The following MYH6 variants were observed in gnomAD, a reference collection of about 807,000 sequenced individuals.
The protein encoded by MYH6 is myosin-6.
Under a neutral mutation model 223.2 loss-of-function variants are expected in MYH6, and 126 were observed. The observed-to-expected ratio is 0.56, with a 90% CI of 0.49 to 0.65. MYH6 has a LOEUF of 0.65. Ranked by LOEUF, MYH6 falls within the 30% of genes least tolerant of loss-of-function variation. The pLI is 0.00. For missense variants in MYH6, 2,040 were observed against 2,536.4 expected, an observed-to-expected ratio of 0.80 and a Z score of 4.20; for synonymous variants, 978 against 1,010.2, an observed-to-expected ratio of 0.97 and a Z score of 0.61.
At chr14:23,402,662 G>T (rs1027014983) in intron 11 of MYH6, 35 bp downstream of exon 11, 39 of 1,613,594 alleles carry the variant, frequency 2.4e-5, no homozygotes, top group Non-Finnish European at 3.1e-5. Context: ...AGCTCCTGGG[G>T]TCCCTCGAAC....
At chr14:23,386,972 T>C (rs1891048723) in intron 32 of MYH6, among the ~76,000 whole-genome samples, 1 of 152,180 alleles carries the variant, frequency 6.6e-6, no homozygotes, top group South Asian at 2.1e-4. Flanking sequence ...CCTCACCCTT[T>C]CCTGAGAAAA....
chr14:23,396,215 C>T (rs1891388196), intron 20 of MYH6, 69 bp downstream of exon 20: 9 of 1,608,216 alleles, frequency 5.6e-6, no homozygotes, highest in Non-Finnish European at 7.6e-6. Context: ...TCTTCTGACC[C>T]ACACTAGTTG....
In MYH6 at chr14:23,397,081, CT is replaced by C. The variant is rs1269980438; in HGVS notation, c.2051-2del. On this transcript the variant is annotated splice_acceptor_variant, in intron 17 of 38. Transcript: ENST00000405093. LOFTEE classifies it high-confidence loss of function. ...ATGACCAGGGGGTTGTCCATCACCC[CT>C]GTGTCAGGAGGGAAGGGGAAAGGGT... The C allele has an allele frequency of 1.9e-6, 3 of 1,614,114 alleles. No individual in the cohort carries two copies. Among genetic ancestry groups the C allele is most frequent in the Non-Finnish European group, 2.5e-6 (3 of 1,180,052 alleles).
Position 23,390,063 on chromosome 14 carries a change from C to T in MYH6, c.3726G>A (p.Lys1242=). ...DVTSNMEQII[K]AKANLEKVSR... ...GAGGCCGAGCAGAGCCTGCCTTGGCCTTGATGATCTGCTCCATGTTGGAGG... is the reference window on the plus strand; with the variant it reads ...GAGGCCGAGCAGAGCCTGCCTTGGCTTTGATGATCTGCTCCATGTTGGAGG... The change falls in exon 26 of 39, where the codon AAG becomes AAA. Residue 1242 remains lysine (K), a synonymous_variant. Coordinates refer to ENST00000405093, the MANE Select transcript of MYH6 (RefSeq NM_002471.4). The T allele has an allele frequency of 6.2e-7, 1 of 1,613,340 alleles. No individual in the cohort carries two copies. The highest frequency in any genetic ancestry group is 1.1e-5 in the South Asian group (1 of 91,040).
At chr14:23,403,911 A>C (rs996413112) in intron 8 of MYH6, 133 bp from the exon 9 acceptor site, 15 of 841,144 alleles carry the variant, frequency 1.8e-5, no homozygotes, top group African/African-American at 1.7e-4. Flanking sequence ...GTTGAGTATA[A>C]GTGAAGCCGG....
intron 28 of MYH6, 45 bp from the exon 29 acceptor site, chr14:23,389,100 G>A: frequency 3.9e-6 from 6 of 1,552,406 alleles, no homozygotes; most frequent in Non-Finnish European, 5.2e-6. Context: ...GACTCCCTGT[G>A]CCCCATTCTC....
intron 23 of MYH6, 64 bp downstream of exon 23, chr14:23,393,278 T>C: frequency 2.5e-6 from 4 of 1,602,350 alleles, no homozygotes; most frequent in South Asian, 2.2e-5. Context: ...CAGGACTTTC[T>C]GGGCCATTGG....
In MYH6 at chr14:23,402,456, C is replaced by T. The variant is rs377327277; in HGVS notation, c.1141+8G>A. ...GCCTTCCCAGGGCTGCCTGCCTGCC[C>T]CTCCCACCTTCGGTGCCGTCTGGCT... On this transcript the variant is annotated splice_region_variant and intron_variant, in intron 12 of 38. Coordinates refer to ENST00000405093, the MANE Select transcript of MYH6 (RefSeq NM_002471.4). The T allele has an allele frequency of 3.7e-6, 6 of 1,612,500 alleles. No homozygotes were observed. The highest frequency in any genetic ancestry group is 5.1e-6 in the Non-Finnish European group (6 of 1,179,968).
chr14:23,394,808 C>T (rs1425302385), intron 20 of MYH6, among the ~76,000 whole-genome samples: 1 of 152,128 alleles, frequency 6.6e-6, no homozygotes, highest in Admixed American at 6.5e-5. Context: ...CTTATTTTTC[C>T]TTTCCTTGCT....
In MYH6 at chr14:23,392,890, C is replaced by T. The variant is rs181627950; in HGVS notation, c.3251+22G>A. On this transcript the variant is annotated intron_variant, in intron 24 of 38. Transcript: ENST00000405093. ...AGGCCAGACACCTCCATTAGCCCCT[C>T]CTGGCCACCACAGTCTCCTACTTCT... 102 of 1,612,538 alleles carry T rather than the reference C, an allele frequency of 6.3e-5. 1 individual carries two copies. In the African/African-American group the frequency reaches 1.2e-3, roughly 20 times the overall value.
At chr14:23,406,144 G>A (rs899394422) in intron 3 of MYH6, among the ~76,000 whole-genome samples, 2 of 152,118 alleles carry the variant, frequency 1.3e-5, no homozygotes, top group South Asian at 2.1e-4. Flanking sequence ...GCTGTCTCCC[G>A]CGGGCAGCGC....
At chr14:23,404,659 G>C in intron 7 of MYH6, 52 bp downstream of exon 7, 3 of 1,550,830 alleles carry the variant, frequency 1.9e-6, no homozygotes, top group Non-Finnish European at 2.7e-6. Flanking sequence ...GGTAACTCGG[G>C]TCAGCCTGCC....
intron 25 of MYH6, among the ~76,000 whole-genome samples, chr14:23,391,911 C>G (rs545308533): frequency 2.8e-4 from 43 of 152,222 alleles, no homozygotes; most frequent in Non-Finnish European, 5.6e-4. Context: ...AGGCTAGTGG[C>G]TGGCTGACTT....
At position 23,388,283 on chromosome 14, in the gene MYH6, C is replaced by T. The variant is rs146172839; in HGVS notation, c.4231G>A (p.Ala1411Thr). 1.3e-5 allele frequency: 21 copies of T among 1,613,244 alleles called. No homozygotes were observed. In the East Asian group the frequency reaches 3.1e-4, roughly 24 times the overall value. ...DAEEAVEAVNAKCSSLEKTKH... is the reference protein window; with the variant it reads ...DAEEAVEAVNTKCSSLEKTKH... ...GTCTTCTCCAGTGAGGAGCACTTGG[C>T]ATTAACAGCCTCCACGGCCTCCTCG... is the stretch of plus-strand genomic sequence containing the variant. Residue 1411 changes from alanine (A) to threonine (T), a missense_variant, in exon 30 of 39, where the codon GCC (alanine) becomes ACC (threonine). Physicochemically the swap from Ala to Thr is moderately conservative, Grantham distance 58 (BLOSUM62 0). This residue lies in a region of MYH6 where 1,203 missense variants were observed against 1,400.2 expected (regional missense o/e 0.86). Transcript: ENST00000405093.
In MYH6 at chr14:23,404,807, C is replaced by G. The variant is rs150015506; in HGVS notation, c.546G>C (p.Ala182=). 16 of 1,613,990 alleles carry G rather than the reference C, an allele frequency of 9.9e-6. No individual in the cohort carries two copies. In the Admixed American group the frequency reaches 2.2e-4, roughly 22 times the overall value. The change falls in exon 7 of 39, where the codon GCG becomes GCC. Residue 182 remains alanine (A), a synonymous_variant. Coordinates refer to ENST00000405093, the MANE Select transcript of MYH6 (RefSeq NM_002471.4). The stretch of plus-strand genomic sequence containing the variant: ...CACGCTTGGTGTTCACAGTCTTCCC[C>G]GCCCCGGATTCTCCCCTGGGGGCCA... ...QSILITGESG[A]GKTVNTKRVI...
In MYH6 at chr14:23,388,980, C is replaced by T. The variant is rs1891135137; in HGVS notation, c.4054G>A (p.Glu1352Lys). 1 of 1,613,844 alleles carries T rather than the reference C, an allele frequency of 6.2e-7. No homozygotes were observed. Among genetic ancestry groups the T allele is most frequent in the Non-Finnish European group, 8.5e-7 (1 of 1,180,010 alleles). Residue 1352 changes from glutamate to lysine, a missense_variant, in exon 29 of 39, where the codon GAG (glutamate) becomes AAG (lysine). Glu to Lys is a moderately conservative substitution (Grantham distance 56). Transcript: ENST00000405093. ...CDLLREQYEE[E>K]TEAKAELQRV... Reference sequence around the variant, plus strand: ...TGCAGCTCGGCCTTGGCCTCTGTCTCCTCCTCGTACTGCTCCCGCAGCAGG... The same window carrying T: ...TGCAGCTCGGCCTTGGCCTCTGTCTTCTCCTCGTACTGCTCCCGCAGCAGG...
rs781616503 is a variant in MYH6 at position 23,388,912 on chromosome 14, C to T, written c.4122G>A (p.Arg1374=). Residue 1374 remains arginine, a synonymous_variant, in exon 29 of 39, where the codon AGG becomes AGA. Transcript: ENST00000405093. ...SKANSEVAQW[R]TKYETDAIQR... ...GAATGGCGTCCGTCTCATACTTGGT[C>T]CTCCACTGGGCCACCTCCGAGTTGG... The T allele has an allele frequency of 1.4e-5, 23 of 1,613,684 alleles. No homozygotes were observed. In the African/African-American group the frequency reaches 2.5e-4, roughly 18 times the overall value.
In MYH6 at chr14:23,384,412, TCTA is replaced by T. The variant is rs746069185; in HGVS notation, c.5565+27_5565+29del. 4.1e-5 allele frequency: 66 copies of T among 1,606,298 alleles called. No homozygotes were observed. In the African/African-American group the frequency reaches 6.3e-4, roughly 15 times the overall value. ...TGGGGCCAGAGAAGAAACTTCCACATCTACTCCTGGTGTCTGGCGTCCGCCGCA... is the reference window on the plus strand; with the variant it reads ...TGGGGCCAGAGAAGAAACTTCCACATCTCCTGGTGTCTGGCGTCCGCCGCA... On this transcript the variant is annotated intron_variant, in intron 36 of 38. Transcript: ENST00000405093.
rs574433291 is a variant in MYH6 at position 23,388,249 on chromosome 14, C to T, written c.4265G>A (p.Arg1422Gln). The T allele has an allele frequency of 6.4e-5, 103 of 1,612,882 alleles. No homozygotes were observed. In the South Asian group the frequency reaches 7.9e-4, roughly 12 times the overall value. ...CAAGTCCTCTATCTCATTCTGTAGC[C>T]GGTGCTTGGTCTTCTCCAGTGAGGA... ...KCSSLEKTKHRLQNEIEDLMV... is the reference protein window; with the variant it reads ...KCSSLEKTKHQLQNEIEDLMV... Residue 1422 changes from arginine to glutamine, a missense_variant, in exon 30 of 39, where the codon CGG (arginine) becomes CAG (glutamine). By Grantham distance (43) the Arg-to-Gln change is conservative. This residue lies in a region of MYH6 where 1,203 missense variants were observed against 1,400.2 expected (regional missense o/e 0.86). Coordinates refer to ENST00000405093, the MANE Select transcript of MYH6 (RefSeq NM_002471.4).
Sources: gnomAD v4.1 joint callset for allele counts (sites outside exome capture counted in the v4.1 genomes callset) on GRCh38, gnomAD v4.1.1 for gene constraint, gnomAD v4.1.1 regional missense constraint, MANE v1.5 for transcripts, NCBI Gene and HGNC (gene_info 2026-07-23, HGNC 2026-07-21) for gene names.